Variants in GNB1L observed in about 807,000 individuals in gnomAD.
GNB1L encodes guanine nucleotide-binding protein subunit beta-like protein 1.
GNB1L carries 20 observed loss-of-function variants against 29.1 expected under a neutral mutation model. The ratio of observed to expected loss-of-function variants is 0.69; its 90% CI spans 0.48 to 1.00. The LOEUF is 1.00. GNB1L is among the 50% of genes least tolerant of loss of function. GNB1L has a pLI of 0.00. For synonymous variants in GNB1L, 193 were observed against 206.5 expected, an observed-to-expected ratio of 0.93 and a Z score of 0.56; for missense variants, 421 against 464.9, an observed-to-expected ratio of 0.91 and a Z score of 0.87.
At chr22:19,804,979 G>A (rs77286253) in intron 6 of GNB1L, among the ~76,000 whole-genome samples, 2,803 of 152,312 alleles carry the variant, frequency 0.018, 83 homozygotes, top group African/African-American at 0.063. Flanking sequence ...CTTGGGGGGC[G>A]TTTTTCCTCC....
Position 19,802,195 on chromosome 22 carries a change from G to A in GNB1L, c.538C>T (p.Leu180Phe). 1 of 1,612,978 alleles carries A rather than the reference G, an allele frequency of 6.2e-7. No individual in the cohort carries two copies. The highest frequency in any genetic ancestry group is 8.5e-7 in the Non-Finnish European group (1 of 1,180,006). ...LWQADCSSRP[L>F]LLAGYEDGSV... ...CCATCCTCATAGCCGGCCAGAAGGA[G>A]TGGGCGGGAGCTGCAGTCGGCCTGC... Residue 180 changes from leucine (L) to phenylalanine (F), a missense_variant, in exon 7 of 8, where the codon CTC becomes TTC. Leu to Phe is a conservative substitution (Grantham distance 22). Coordinates refer to ENST00000329517, the MANE Select transcript of GNB1L (RefSeq NM_053004.3).
chr22:19,854,540 C>T lies in GNB1L; in HGVS notation c.-117-1G>A, dbSNP rs1283561925. ...CTGAGGGCGAGAGTCCAGGCGCCAC[C>T]TAGAAAGTGGAGAACGAGATCGGCC... On this transcript the variant is annotated splice_acceptor_variant, in intron 1 of 7. Coordinates refer to ENST00000329517, the MANE Select transcript of GNB1L (RefSeq NM_053004.3). LOFTEE classifies it low-confidence loss of function (5UTR_SPLICE). The T allele has an allele frequency of 1.3e-5, 2 of 152,768 alleles. No individual in the cohort carries two copies. Among genetic ancestry groups the T allele is most frequent in the Non-Finnish European group, 2.9e-5 (2 of 68,152 alleles). 9.5% of individuals were successfully genotyped at this position (152,768 alleles called of 1,614,324 possible). A position where few individuals can be genotyped will look rare whatever the true frequency, so the allele number is the denominator to read the frequency against.
At chr22:19,789,010 G>T in intron 7 of GNB1L, 50 bp from the exon 8 acceptor site, 1 of 1,541,762 alleles carries the variant, frequency 6.5e-7, no homozygotes, top group Non-Finnish European at 8.8e-7. Context: ...CCACAAGGCA[G>T]TGCTGCCCCT....
intron 4 of GNB1L, among the ~76,000 whole-genome samples, chr22:19,817,199 C>T (rs1015307342): frequency 9.9e-5 from 15 of 152,168 alleles, no homozygotes; most frequent in Admixed American, 3.3e-4. Flanking sequence ...ATTAAAGACA[C>T]CATTAGGGGC....
intron 2 of GNB1L, chr22:19,851,137 G>A: frequency 6.4e-7 from 1 of 1,552,668 alleles, no homozygotes; most frequent in Non-Finnish European, 8.7e-7. Context: ...TTCATCATGA[G>A]GGGCAGCATT....
At chr22:19,853,970 CAGT>C (rs1938173426) in intron 2 of GNB1L, among the ~76,000 whole-genome samples, 1 of 152,208 alleles carries the variant, frequency 6.6e-6, no homozygotes, top group African/African-American at 2.4e-5. Context: ...CCCTTCTTCC[CAGT>C]CCCCTACCCT....
At chr22:19,791,965 C>T (rs1393616001) in intron 7 of GNB1L, among the ~76,000 whole-genome samples, 2 of 152,158 alleles carry the variant, frequency 1.3e-5, no homozygotes, top group Non-Finnish European at 2.9e-5. Flanking sequence ...CACAGACCTG[C>T]CCTAACAAAG....
At chr22:19,820,481 G>T in intron 4 of GNB1L, 117 bp downstream of exon 4, 2 of 1,147,464 alleles carry the variant, frequency 1.7e-6, no homozygotes, top group East Asian at 2.4e-5. Context: ...CCCTTTGCTG[G>T]CCCCTTCTGG....
At position 19,801,995 on chromosome 22, in the gene GNB1L, A is replaced by G; in HGVS notation, c.732+6T>C. 6.4e-7 allele frequency: 1 copy of G among 1,574,094 alleles called. No homozygotes were observed. The highest frequency in any genetic ancestry group is 8.6e-7 in the Non-Finnish European group (1 of 1,160,320). On this transcript the variant is annotated splice_donor_region_variant and intron_variant, in intron 7 of 7. Transcript: ENST00000329517. ...ATAAATGAGACCCGGGGCCTGGCGC[A>G]CTGACCTGCAGGGCCTGCTGCCAGT...
At chr22:19,847,762 A>C in intron 2 of GNB1L, 1 of 964,570 alleles carries the variant, frequency 1.0e-6, no homozygotes, top group African/African-American at 1.9e-5. Flanking sequence ...ATACCTCCAC[A>C]ACTCTGGGCA....
chr22:19,806,768 G>A lies in GNB1L; in HGVS notation c.418-11C>T, dbSNP rs1937440977. ...CTCCAGAATCTGAACCTGACAGTAAGAAAACAAGTTGATTTGGGCCGTCGC... is the reference window on the plus strand; with the variant it reads ...CTCCAGAATCTGAACCTGACAGTAAAAAAACAAGTTGATTTGGGCCGTCGC... On this transcript the variant is annotated splice_polypyrimidine_tract_variant and intron_variant, in intron 5 of 7. Transcript: ENST00000329517. The A allele has an allele frequency of 6.3e-7, 1 of 1,596,432 alleles. No homozygotes were observed. The highest frequency in any genetic ancestry group is 1.7e-5 in the Admixed American group (1 of 59,966).
intron 4 of GNB1L, 50 bp from the exon 5 acceptor site, chr22:19,812,497 G>A: frequency 6.5e-7 from 1 of 1,535,264 alleles, no homozygotes; most frequent in South Asian, 1.2e-5. Context: ...ACAAGTGTCA[G>A]CTCCCATGGC....
At chr22:19,798,528 G>A (rs140156028) in intron 7 of GNB1L, among the ~76,000 whole-genome samples, 200 of 152,248 alleles carry the variant, frequency 1.3e-3, no homozygotes, top group African/African-American at 4.7e-3. Flanking sequence ...CCAAATGCCT[G>A]GAGCCACAGG....
At chr22:19,820,360 C>T (rs113725193) in intron 4 of GNB1L, among the ~76,000 whole-genome samples, 7 of 152,350 alleles carry the variant, frequency 4.6e-5, no homozygotes, top group African/African-American at 1.7e-4. Flanking sequence ...CACCTCCTGG[C>T]TCCAGCTTGG....
At position 19,821,034 on chromosome 22, in the gene GNB1L, A is replaced by AGT. The variant is rs532382994; in HGVS notation, c.128+192_128+193dup. ...GCCTGCTCCTGCGTCTGTAACAAAG[A>AGT]GTGTGTGTGTGTGTCCCTGCCTCCC... On this transcript the variant is annotated intron_variant, in intron 3 of 7. Coordinates refer to ENST00000329517, the MANE Select transcript of GNB1L (RefSeq NM_053004.3). Among the ~76,000 whole-genome samples, 228 of 152,054 alleles carry AGT rather than the reference A, an allele frequency of 1.5e-3. 1 individual carries two copies. Among genetic ancestry groups the AGT allele is most frequent in the East Asian group, 0.01 (54 of 5,162 alleles).
At chr22:19,819,902 T>C (rs1433691729) in intron 4 of GNB1L, among the ~76,000 whole-genome samples, 1 of 152,036 alleles carries the variant, frequency 6.6e-6, no homozygotes, top group Non-Finnish European at 1.5e-5. Context: ...GGGACAGCAC[T>C]ATACACCCAA....
At chr22:19,812,263 C>A (rs769910106) in intron 5 of GNB1L, 22 bp downstream of exon 5, 2 of 1,607,822 alleles carry the variant, frequency 1.2e-6, no homozygotes, top group Non-Finnish European at 1.7e-6. Context: ...GAACATGGGG[C>A]CTCAGGCAGG....
chr22:19,820,982 C>T (rs796460680), intron 3 of GNB1L, among the ~76,000 whole-genome samples: 31 of 152,324 alleles, frequency 2.0e-4, no homozygotes, highest in African/African-American at 7.5e-4. Context: ...GGGAGCCATG[C>T]CACAGTAATG....
intron 7 of GNB1L, among the ~76,000 whole-genome samples, chr22:19,790,540 G>C (rs1937242226): frequency 6.6e-6 from 1 of 151,756 alleles, no homozygotes; most frequent in Non-Finnish European, 1.5e-5. Context: ...GGCTGAGTGT[G>C]GTGGCTCATG....
Sources: allele counts gnomAD v4.1 joint callset (sites outside exome capture counted in the v4.1 genomes callset), GRCh38; gene constraint gnomAD v4.1.1; transcripts MANE v1.5; gene names NCBI Gene and HGNC (gene_info 2026-07-23, HGNC 2026-07-21).